The following UNC13C variants were observed in gnomAD, a reference collection of about 807,000 sequenced individuals.
UNC13C encodes unc-13 homolog C.
A neutral mutation model predicts 245.4 loss-of-function variants in UNC13C; 174 were observed. The ratio of observed to expected loss-of-function variants is 0.71; its 90% CI spans 0.63 to 0.80. The LOEUF is 0.80. Ranked by LOEUF, UNC13C falls within the 30% of genes least tolerant of loss-of-function variation. UNC13C has a pLI of 0.00. For synonymous variants in UNC13C, 992 were observed against 895.1 expected (o/e 1.11, Z -1.93); for missense variants, 2,829 against 2,602.9 (o/e 1.09, Z -1.89).
At chr15:53,901,995 A>C in the UNC13C span, among the ~76,000 whole-genome samples, 2 of 151,330 alleles carry the variant, frequency 1.3e-5, no homozygotes, top group Admixed American at 1.3e-4. Context: ...CAATGGAAGA[A>C]ATGACCTTTA....
intron 29 of UNC13C, among the ~76,000 whole-genome samples, chr15:54,557,331 A>G (rs768414695): frequency 1.2e-4 from 18 of 151,934 alleles, no homozygotes; most frequent in Admixed American, 3.3e-4. Context: ...TGTGCCTGCT[A>G]TTAGACTCTC....
intron 10 of UNC13C, among the ~76,000 whole-genome samples, chr15:54,280,755 C>CATATATACACAT (rs1567156923): frequency 2.2e-3 from 232 of 103,794 alleles, no homozygotes; most frequent in Non-Finnish European, 3.8e-3. Flanking sequence ...TACATATATA[C>CATATATACACAT]ACATACATAC....
Position 54,567,895 on chromosome 15 carries a change from C to A in UNC13C, c.6054C>A (p.Thr2018=). 6.3e-7 allele frequency: 1 copy of A among 1,591,908 alleles called. No homozygotes were observed. The highest frequency in any genetic ancestry group is 8.6e-7 in the Non-Finnish European group (1 of 1,167,594). ...QSLRYALSLY[T]QTTDALIKKF... is the part of the protein sequence containing the mutation. Reference sequence around the variant, plus strand: ...TGAGATATGCTCTCAGTCTTTATACCCAAACTACTGATGCCTTGATAAAGA... The same window carrying A: ...TGAGATATGCTCTCAGTCTTTATACACAAACTACTGATGCCTTGATAAAGA... The change falls in exon 30 of 33, where the codon ACC becomes ACA. Residue 2018 remains threonine (T), a synonymous_variant. Coordinates refer to ENST00000260323, the MANE Select transcript of UNC13C (RefSeq NM_001080534.3).
chr15:54,521,598 C>A (rs921058483), intron 24 of UNC13C, among the ~76,000 whole-genome samples: 1 of 152,102 alleles, frequency 6.6e-6, no homozygotes, highest in African/African-American at 2.4e-5. Context: ...GGGAAATAAT[C>A]TTTTCTGGAA....
At chr15:54,146,751 G>A (rs1265360817) in intron 4 of UNC13C, among the ~76,000 whole-genome samples, 2 of 152,140 alleles carry the variant, frequency 1.3e-5, no homozygotes, top group Non-Finnish European at 2.9e-5. Context: ...AAAGCACACA[G>A]CAACTCAATA....
chr15:54,096,198 T>G (rs1470180216), intron 2 of UNC13C, among the ~76,000 whole-genome samples: 2 of 152,194 alleles, frequency 1.3e-5, no homozygotes, highest in African/African-American at 4.8e-5. Flanking sequence ...GAGTGACAGC[T>G]TGAGACTTTC....
At chr15:54,061,116 A>G (rs8027568) in intron 2 of UNC13C, among the ~76,000 whole-genome samples, 68,517 of 107,276 alleles carry the variant, frequency 0.64, 16,124 homozygotes, top group Middle Eastern at 0.71. Context: ...TTAAAGTATA[A>G]TAATAATAAA....
intron 17 of UNC13C, among the ~76,000 whole-genome samples, chr15:54,344,109 G>A (rs1221119261): frequency 6.6e-6 from 1 of 152,154 alleles, no homozygotes; most frequent in African/African-American, 2.4e-5. Context: ...TTGGGGCCTG[G>A]TTAAAAAGAG....
chr15:54,216,006 G>A (rs1275501200), intron 4 of UNC13C, among the ~76,000 whole-genome samples: 1 of 151,868 alleles, frequency 6.6e-6, no homozygotes, highest in African/African-American at 2.4e-5. Flanking sequence ...AGAGTTCCAG[G>A]CATAACACAA....
chr15:54,579,348 C>G (rs542888069), intron 30 of UNC13C, among the ~76,000 whole-genome samples: 1 of 152,126 alleles, frequency 6.6e-6, no homozygotes, highest in East Asian at 1.9e-4. Flanking sequence ...AATATACTTT[C>G]TTATGCAAAG....
At position 54,500,121 on chromosome 15, in the gene UNC13C, A is replaced by G; in HGVS notation, c.5103A>G (p.Glu1701=). Residue 1701 remains glutamate, a synonymous_variant, in exon 21 of 33, where the codon GAA becomes GAG. Transcript: ENST00000260323. ...TCATGCAATGGCTAGATGAAAACGA[A>G]GATGTGTCAATGGAATTCCTTCATG... is the stretch of plus-strand genomic sequence containing the variant. ...PFVMQWLDEN[E]DVSMEFLHGA... is the part of the protein sequence containing the mutation. The G allele has an allele frequency of 6.2e-7, 1 of 1,611,450 alleles. No individual in the cohort carries two copies. Among genetic ancestry groups the G allele is most frequent in the African/African-American group, 1.3e-5 (1 of 74,882 alleles).
At chr15:54,604,361 G>T (rs1191332550) in intron 30 of UNC13C, among the ~76,000 whole-genome samples, 1 of 150,568 alleles carries the variant, frequency 6.6e-6, no homozygotes, top group Non-Finnish European at 1.5e-5. Context: ...ACACAACGAA[G>T]TTTGAAATTA....
chr15:54,017,743 C>T (rs1895725105), intron 2 of UNC13C, among the ~76,000 whole-genome samples: 1 of 152,144 alleles, frequency 6.6e-6, no homozygotes, highest in Non-Finnish European at 1.5e-5. Flanking sequence ...CAGTGAGTGG[C>T]ACTTAACCTT....
intron 4 of UNC13C, among the ~76,000 whole-genome samples, chr15:54,183,538 A>C (rs754313918): frequency 1.3e-5 from 2 of 151,970 alleles, no homozygotes; most frequent in Non-Finnish European, 2.9e-5. Context: ...GTGACTATTT[A>C]CATGTGTAGG....
At chr15:54,077,890 C>T (rs1898724295) in intron 2 of UNC13C, among the ~76,000 whole-genome samples, 2 of 152,048 alleles carry the variant, frequency 1.3e-5, no homozygotes, top group Admixed American at 6.6e-5. Flanking sequence ...TTGCAAAATG[C>T]TGGGGTTTGG....
intron 17 of UNC13C, among the ~76,000 whole-genome samples, chr15:54,359,121 A>G (rs1180249167): frequency 6.6e-6 from 1 of 151,826 alleles, no homozygotes; most frequent in East Asian, 1.9e-4. Context: ...AGTATGATGT[A>G]TTACGTTTAT....
At chr15:54,243,603 A>AG (rs71132793) in intron 7 of UNC13C, among the ~76,000 whole-genome samples, 3,859 of 151,244 alleles carry the variant, frequency 0.026, 161 homozygotes, top group African/African-American at 0.089. Flanking sequence ...AACAGTGTAA[A>AG]GCATTCCTTT....
the UNC13C span, among the ~76,000 whole-genome samples, chr15:53,931,360 G>T: frequency 1.0e-3 from 158 of 152,036 alleles, no homozygotes; most frequent in African/African-American, 3.7e-3. Context: ...GTAGAGACAG[G>T]GTTTCACCAT....
chr15:54,099,452 C>A (rs1204788928), intron 2 of UNC13C, among the ~76,000 whole-genome samples: 1 of 152,124 alleles, frequency 6.6e-6, no homozygotes, highest in African/African-American at 2.4e-5. Flanking sequence ...CTCCAGCAAC[C>A]CTGCTGTATT....
Sources: gnomAD v4.1 joint callset for allele counts (sites outside exome capture counted in the v4.1 genomes callset) on GRCh38, gnomAD v4.1.1 for gene constraint, MANE v1.5 for transcripts, NCBI Gene and HGNC (gene_info 2026-07-23, HGNC 2026-07-21) for gene names.